SLC41A3: variants seen among roughly 807,000 people sequenced by gnomAD.
The protein encoded by SLC41A3 is solute carrier family 41 member 3, also known as SLC41A1-like 2.
SLC41A3 carries 44 observed loss-of-function variants against 45.4 expected under a neutral mutation model. That is an observed-to-expected ratio of 0.97 (90% CI 0.76 to 1.25). The LOEUF (loss-of-function observed/expected upper bound fraction) is 1.25. Ranked by LOEUF, SLC41A3 falls within the 50% of genes most tolerant of loss-of-function variation. SLC41A3 has a pLI of 0.00. For missense variants in SLC41A3, 550 were observed against 600.6 expected (o/e 0.92, Z 0.88); for synonymous variants, 256 against 252.4 (o/e 1.01, Z -0.13).
intron 1 of SLC41A3, among the ~76,000 whole-genome samples, chr3:126,078,265 T>C (rs1018530754): frequency 3.9e-5 from 6 of 152,174 alleles, no homozygotes; most frequent in Non-Finnish European, 5.9e-5. Flanking sequence ...GCCTGACCCC[T>C]CAGGCCAGAC....
chr3:126,050,894 G>A lies in SLC41A3; in HGVS notation c.381+49C>T, dbSNP rs377063239. The stretch of plus-strand genomic sequence containing the variant: ...CCAGGGGAGACCAGGTGGTAGGGAC[G>A]CGCCTGCCTCACGTTGTGGCCGCCT... On this transcript the variant is annotated intron_variant, in intron 3 of 10. Transcript: ENST00000360370. The A allele has an allele frequency of 2.2e-5, 35 of 1,570,870 alleles. No individual in the cohort carries two copies. In the African/African-American group the frequency reaches 2.4e-4, roughly 11 times the overall value.
intron 1 of SLC41A3, among the ~76,000 whole-genome samples, chr3:126,099,319 C>T (rs1239392355): frequency 6.6e-6 from 1 of 152,128 alleles, no homozygotes; most frequent in Non-Finnish European, 1.5e-5. Context: ...TTTAAAATTT[C>T]TATTCTTTAT....
chr3:126,035,784 C>T (rs968643020), intron 3 of SLC41A3, among the ~76,000 whole-genome samples: 4 of 152,016 alleles, frequency 2.6e-5, no homozygotes, highest in Admixed American at 6.6e-5. Flanking sequence ...GAAGACAGCT[C>T]AGAGGAGCCT....
rs1304108800 is a variant in SLC41A3 at position 126,067,112 on chromosome 3, C to T, written c.273+835G>A. Among the ~76,000 whole-genome samples, 3 of 78,642 alleles carry T rather than the reference C, an allele frequency of 3.8e-5. 1 individual carries two copies. The highest frequency in any genetic ancestry group is 1.2e-4 in the African/African-American group (3 of 24,166). 51.6% of individuals were successfully genotyped at this position (78,642 alleles called of 152,430 possible). On this transcript the variant is annotated intron_variant, in intron 2 of 10. Coordinates refer to ENST00000360370, the MANE Select transcript of SLC41A3 (RefSeq NM_017836.4). ...TGGACCGCCCCCCCGCCCCCCGCCC[C>T]GGCCACCGCACCACTAAGCAGATGA...
chr3:126,033,455 G>A, intron 4 of SLC41A3, 152 bp downstream of exon 4: 1 of 785,998 alleles, frequency 1.3e-6, no homozygotes. Flanking sequence ...GCGTGAATGT[G>A]GTCTATTGGA....
At chr3:126,029,288 C>G (rs537116379) in intron 4 of SLC41A3, among the ~76,000 whole-genome samples, 6 of 152,260 alleles carry the variant, frequency 3.9e-5, no homozygotes, top group African/African-American at 1.4e-4. Flanking sequence ...GGGGTGGTTT[C>G]TCATGGTGAC....
intron 10 of SLC41A3, 50 bp downstream of exon 10, chr3:126,008,682 G>T (rs1478568065): frequency 6.3e-6 from 10 of 1,597,376 alleles, no homozygotes; most frequent in African/African-American, 1.3e-5. Context: ...GATCAAGCCT[G>T]CTGGCTGACT....
At chr3:126,060,051 A>C (rs1040121842) in intron 2 of SLC41A3, among the ~76,000 whole-genome samples, 7 of 152,154 alleles carry the variant, frequency 4.6e-5, no homozygotes, top group African/African-American at 1.7e-4. Context: ...CCATTTGCAG[A>C]CTCTCATATA....
intron 6 of SLC41A3, among the ~76,000 whole-genome samples, chr3:126,018,141 G>T (rs1940493538): frequency 6.6e-6 from 1 of 152,060 alleles, no homozygotes; most frequent in Non-Finnish European, 1.5e-5. Flanking sequence ...TCTAATACAG[G>T]CCAGTCCCAG....
chr3:126,053,199 T>G (rs1409872767), intron 2 of SLC41A3, among the ~76,000 whole-genome samples: 1 of 152,138 alleles, frequency 6.6e-6, no homozygotes, highest in African/African-American at 2.4e-5. Context: ...ATGAGATAAT[T>G]AAGTTGAAAT....
At chr3:126,024,393 C>T (rs1345231049) in intron 5 of SLC41A3, 1 of 152,280 alleles carries the variant, frequency 6.6e-6, no homozygotes, top group Non-Finnish European at 1.5e-5. Context: ...AAGTCTGGCA[C>T]ATTCATCCCG....
upstream of SLC41A3, among the ~76,000 whole-genome samples, chr3:126,087,784 G>A (rs1306235865): frequency 4.9e-5 from 5 of 101,662 alleles, no homozygotes; most frequent in Non-Finnish European, 9.6e-5. Flanking sequence ...GTTAGTAAAA[G>A]GAATTTGTTT....
At chr3:126,007,615 G>A (rs1939235658) in intron 10 of SLC41A3, among the ~76,000 whole-genome samples, 1 of 152,160 alleles carries the variant, frequency 6.6e-6, no homozygotes, top group South Asian at 2.1e-4. Flanking sequence ...TCCTGAAGGT[G>A]CCATGGGGTA....
At chr3:126,037,113 C>T (rs1942255562) in intron 3 of SLC41A3, among the ~76,000 whole-genome samples, 1 of 152,160 alleles carries the variant, frequency 6.6e-6, no homozygotes, top group African/African-American at 2.4e-5. Context: ...GCTTGGTGCC[C>T]TTCTCATAGT....
At chr3:126,033,704 G>A (rs148480030) in intron 3 of SLC41A3, 26 bp from the exon 4 acceptor site, 65 of 1,607,834 alleles carry the variant, frequency 4.0e-5, no homozygotes, top group Middle Eastern at 1.7e-4. Context: ...AAGGACAAAG[G>A]TAGGACTGGC....
intron 2 of SLC41A3, among the ~76,000 whole-genome samples, chr3:126,058,648 T>C (rs1318799971): frequency 6.6e-6 from 1 of 152,216 alleles, no homozygotes; most frequent in Non-Finnish European, 1.5e-5. Context: ...CACTGTGTGC[T>C]CTTCACAGGC....
rs938352778 is a variant in SLC41A3 at position 126,100,338 on chromosome 3, A to G, written c.-79+1091T>C. ...TGTCCCACCGCCCCAGCTTCACCAC[A>G]TCAGAATGTTCTAGGTAAATGCAAA... On this transcript the variant is annotated intron_variant, in intron 1 of 9. Transcript: ENST00000508835. Among the ~76,000 whole-genome samples, 9 of 152,220 alleles carry G rather than the reference A, an allele frequency of 5.9e-5. No homozygotes were observed. In the South Asian group the frequency reaches 1.2e-3, roughly 21 times the overall value.
At chr3:126,043,872 G>C (rs1215497591) in intron 3 of SLC41A3, among the ~76,000 whole-genome samples, 7 of 144,282 alleles carry the variant, frequency 4.9e-5, no homozygotes, top group African/African-American at 1.8e-4. Context: ...GAAGAAATAA[G>C]AGACAAAAAA....
intron 1 of SLC41A3, among the ~76,000 whole-genome samples, chr3:126,090,656 G>A (rs945278228): frequency 9.9e-5 from 15 of 151,982 alleles, no homozygotes; most frequent in African/African-American, 3.6e-4. Context: ...TACTTCCAAG[G>A]AAACCAAAAT....
Sources: gnomAD v4.1 joint callset for allele counts (sites outside exome capture counted in the v4.1 genomes callset) on GRCh38, gnomAD v4.1.1 for gene constraint, MANE v1.5 for transcripts, NCBI Gene and HGNC (gene_info 2026-07-23, HGNC 2026-07-21) for gene names.